MROH7: variants seen among roughly 807,000 people sequenced by gnomAD.
The protein encoded by MROH7 is maestro heat-like repeat-containing protein family member 7.
A neutral mutation model predicts 129.2 loss-of-function variants in MROH7; 113 were observed. The observed-to-expected ratio is 0.87, with a 90% CI of 0.75 to 1.02. The LOEUF (loss-of-function observed/expected upper bound fraction) is 1.02, where lower values mean the gene tolerates loss of function less well. MROH7 is among the 50% of genes least tolerant of loss of function. The probability of loss-of-function intolerance (pLI) is 0.00; values close to 1 mark genes in which losing one functional copy is unlikely to be tolerated. For missense variants in MROH7, 1,601 were observed against 1,671.3 expected, an observed-to-expected ratio of 0.96 and a Z score of 0.73; for synonymous variants, 655 against 667.9, an observed-to-expected ratio of 0.98 and a Z score of 0.30.
At chr1:54,671,257 G>A (rs559373888) in intron 7 of MROH7, among the ~76,000 whole-genome samples, 12 of 151,938 alleles carry the variant, frequency 7.9e-5, no homozygotes, top group Admixed American at 3.9e-4. Context: ...AAACTTAGCC[G>A]GGCGTGGCAG....
rs775214622 is a variant in MROH7, at chr1:54,674,032, C to T, written c.1817C>T (p.Pro606Leu). 70 of 1,613,866 alleles carry T rather than the reference C, an allele frequency of 4.3e-5. No homozygotes were observed. The highest frequency in any genetic ancestry group is 4.3e-4 in the Admixed American group (26 of 59,946). The change falls in exon 10 of 24, where the codon CCG becomes CTG. Residue 606 changes from proline (P) to leucine (L), a missense_variant. By Grantham distance (98) the Pro-to-Leu change is moderately conservative. Transcript: ENST00000421030. ...TLPFFMPLGFPALGLLLGRLI... is the reference protein window; with the variant it reads ...TLPFFMPLGFLALGLLLGRLI... ...TACAAACAGATGCCCTTGGGGTTCC[C>T]GGCGCTGGGGCTTCTGCTGGGGAGA...
chr1:54,707,278 G>T (rs917837827), intron 22 of MROH7, among the ~76,000 whole-genome samples: 1 of 152,156 alleles, frequency 6.6e-6, no homozygotes, highest in Non-Finnish European at 1.5e-5. Flanking sequence ...TTCACCAAGG[G>T]CCAGGAGACC....
chr1:54,708,513 C>G (rs1184660469), intron 22 of MROH7, among the ~76,000 whole-genome samples: 2 of 152,170 alleles, frequency 1.3e-5, no homozygotes, highest in East Asian at 3.9e-4. Context: ...GAGCCAGGCT[C>G]ACAGGCTGGC....
intron 5 of MROH7, 45 bp downstream of exon 5, chr1:54,668,982 G>A: frequency 7.1e-7 from 1 of 1,401,624 alleles, no homozygotes; most frequent in Non-Finnish European, 1.0e-6. Flanking sequence ...GTGGGAGGGG[G>A]CAGAATTCCT....
rs748546086 is a variant in MROH7 at position 54,700,371 on chromosome 1, G to A, written c.3015G>A (p.Gly1005=). The change falls in exon 18 of 24, where the codon GGG becomes GGA. Residue 1005 remains glycine (G), a synonymous_variant. Transcript: ENST00000421030. ...VRRIPEEYSL[G]RMAEGLSHHD... is the part of the protein sequence containing the mutation. The stretch of plus-strand genomic sequence containing the variant: ...GGATCCCCGAGGAATACTCTCTGGG[G>A]CGGATGGCAGAAGGCCTGAGCCACC... 1.7e-5 allele frequency: 28 copies of A among 1,613,990 alleles called. No homozygotes were observed. The highest frequency in any genetic ancestry group is 2.4e-5 in the Non-Finnish European group (28 of 1,179,994).
chr1:54,662,390 G>A (rs1169527382), intron 3 of MROH7, among the ~76,000 whole-genome samples: 1 of 151,942 alleles, frequency 6.6e-6, no homozygotes, highest in Non-Finnish European at 1.5e-5. Context: ...ACAAAAATTA[G>A]CCGGGCATGG....
intron 3 of MROH7, among the ~76,000 whole-genome samples, chr1:54,657,734 GC>G (rs1644671122): frequency 4.6e-5 from 7 of 151,210 alleles, no homozygotes; most frequent in Admixed American, 4.6e-4. Context: ...TGTGATCCTA[GC>G]TCACTGCAAC....
chr1:54,686,468 T>C lies in MROH7; in HGVS notation c.2711+20T>C. The C allele has an allele frequency of 6.2e-7, 1 of 1,607,620 alleles. No homozygotes were observed. Among genetic ancestry groups the C allele is most frequent in the Non-Finnish European group, 8.5e-7 (1 of 1,176,306 alleles). On this transcript the variant is annotated intron_variant, in intron 15 of 23. Transcript: ENST00000421030. ...TGTGCGGTATGCTCTGCCCTCTCTC[T>C]TGACCCTGCTGTCCCCGGTGGTGGG...
intron 22 of MROH7, among the ~76,000 whole-genome samples, chr1:54,706,840 G>A (rs749181726): frequency 1.3e-5 from 2 of 152,164 alleles, no homozygotes; most frequent in Non-Finnish European, 2.9e-5. Context: ...AGCCTAGCAG[G>A]AGCCTGGGCA....
chr1:54,671,839 T>G (rs1163397167), intron 7 of MROH7, among the ~76,000 whole-genome samples: 2 of 151,308 alleles, frequency 1.3e-5, no homozygotes, highest in Non-Finnish European at 2.9e-5. Flanking sequence ...ATCAAATAAA[T>G]AAATACGAAT....
intron 15 of MROH7, among the ~76,000 whole-genome samples, chr1:54,687,911 C>A (rs1292855544): frequency 6.8e-6 from 1 of 146,962 alleles, no homozygotes; most frequent in African/African-American, 2.5e-5. Context: ...CTCTTTTGCC[C>A]AGGCTGGAGT....
At chr1:54,709,845 A>G (rs1645594741) in intron 23 of MROH7, 101 bp from the exon 24 acceptor site, 1 of 1,386,794 alleles carries the variant, frequency 7.2e-7, no homozygotes, top group Non-Finnish European at 9.9e-7. Flanking sequence ...TGCCAAGCAG[A>G]GGGTGCCTAA....
chr1:54,692,428 G>A lies in MROH7; in HGVS notation c.2716G>A (p.Val906Met), dbSNP rs774302483. 33 of 1,614,124 alleles carry A rather than the reference G, an allele frequency of 2.0e-5. No individual in the cohort carries two copies. The highest frequency in any genetic ancestry group is 1.4e-4 in the South Asian group (13 of 91,074). ...QPSPFVPVRW[V>M]VKVVKTLLLR... ...TTAATTGCCTTGTCTTGGCAGCTGGGTGGTGAAAGTGGTGAAAACCCTGCT... is the reference window on the plus strand; with the variant it reads ...TTAATTGCCTTGTCTTGGCAGCTGGATGGTGAAAGTGGTGAAAACCCTGCT... The change falls in exon 16 of 24, where the codon GTG becomes ATG. Residue 906 changes from valine to methionine, a missense_variant. By Grantham distance (21) the Val-to-Met change is conservative. Transcript: ENST00000421030.
Position 54,662,819 on chromosome 1 carries a change from T to A in MROH7, c.1232-2348T>A, listed in dbSNP as rs138513069. ...TGTACGTTTTTTCTAGTCTGATCTG[T>A]CTCCTGCAGTCCTCAGCCTTTCTTT... is the stretch of plus-strand genomic sequence containing the variant. On this transcript the variant is annotated intron_variant, in intron 3 of 23. Transcript: ENST00000421030. Among the ~76,000 whole-genome samples, 477 of 152,310 alleles carry A rather than the reference T, an allele frequency of 3.1e-3. 1 individual carries two copies. The highest frequency in any genetic ancestry group is 0.01 in the African/African-American group (416 of 41,562).
intron 1 of MROH7, among the ~76,000 whole-genome samples, chr1:54,648,237 CA>C (rs1463753616): frequency 6.6e-6 from 1 of 152,030 alleles, no homozygotes; most frequent in Admixed American, 6.6e-5. Context: ...TGTCAAAAAT[CA>C]TTTGACCATA....
At chr1:54,692,287 G>A in intron 15 of MROH7, 137 bp from the exon 16 acceptor site, 1 of 1,074,418 alleles carries the variant, frequency 9.3e-7, no homozygotes, top group Non-Finnish European at 1.3e-6. Flanking sequence ...CACCCTTTGT[G>A]GATACACTGA....
chr1:54,680,600 C>G (rs1468616813), intron 13 of MROH7, among the ~76,000 whole-genome samples: 3 of 152,212 alleles, frequency 2.0e-5, no homozygotes, highest in Non-Finnish European at 4.4e-5. Context: ...GTGCTCCAAG[C>G]TCACTGTCTT....
intron 20 of MROH7, 25 bp from the exon 21 acceptor site, chr1:54,702,598 A>G (rs1475079534): frequency 2.4e-5 from 37 of 1,563,426 alleles, no homozygotes; most frequent in Non-Finnish European, 3.1e-5. Flanking sequence ...CACAGTTCTG[A>G]TATTTTCTTC....
intron 20 of MROH7, 31 bp downstream of exon 20, chr1:54,702,276 C>G: frequency 1.4e-6 from 2 of 1,397,504 alleles, no homozygotes; most frequent in Non-Finnish European, 1.9e-6. Flanking sequence ...CACCCTCTAC[C>G]CCTCCCTCGG....
Sources: allele counts gnomAD v4.1 joint callset (sites outside exome capture counted in the v4.1 genomes callset), GRCh38; gene constraint gnomAD v4.1.1; transcripts MANE v1.5; gene names NCBI Gene and HGNC (gene_info 2026-07-23, HGNC 2026-07-21).